CDH24: variants seen among roughly 807,000 people sequenced by gnomAD.
The protein encoded by CDH24 is cadherin 24.
CDH24 carries 61 observed loss-of-function variants against 71.2 expected under a neutral mutation model. The ratio of observed to expected loss-of-function variants is 0.86; its 90% CI spans 0.70 to 1.06. CDH24 has a LOEUF of 1.06. Ranked by LOEUF, CDH24 falls within the 50% of genes least tolerant of loss-of-function variation. CDH24 has a pLI of 0.00. For missense variants in CDH24, 961 were observed against 1,083.7 expected (o/e 0.89, Z 1.59); for synonymous variants, 440 against 470.2 (o/e 0.94, Z 0.83).
chr14:23,048,476 A>G lies in CDH24; in HGVS notation c.1850T>C (p.Leu617Pro), dbSNP rs1419042648. The change falls in exon 12 of 13, where the codon CTG becomes CCG. Residue 617 changes from leucine (L) to proline (P), a missense_variant. Transcript: ENST00000487137. ...IITCVGALLA[L>P]VVLFVALRRQ... ...CCGCAGGGCCACGAAGAGCACCACC[A>G]GGGCTGCGCGAGAGGCGCGCACACA... 1.9e-6 allele frequency: 3 copies of G among 1,605,688 alleles called. No individual in the cohort carries two copies. Among genetic ancestry groups the G allele is most frequent in the Non-Finnish European group, 1.7e-6 (2 of 1,179,134 alleles).
rs201808325 is a variant in CDH24 at position 23,054,741 on chromosome 14, C to A, written c.616+6G>T. 1 of 1,614,138 alleles carries A rather than the reference C, an allele frequency of 6.2e-7. No homozygotes were observed. Among genetic ancestry groups the A allele is most frequent in the East Asian group, 2.2e-5 (1 of 44,884 alleles). ...GCCCCACCGGGCTCCCAGGCTCCAT[C>A]CTCACCAGTCTGGGGGTCCACAGAG... On this transcript the variant is annotated splice_donor_region_variant and intron_variant, in intron 4 of 12. Transcript: ENST00000487137. This position sits in a 1 kb window ranked among gnomAD's most constrained non-coding sequence, Gnocchi z 5.2.
At chr14:23,056,466 C>A (rs978002151) in intron 1 of CDH24, among the ~76,000 whole-genome samples, 2 of 152,054 alleles carry the variant, frequency 1.3e-5, no homozygotes, top group Non-Finnish European at 2.9e-5. Context: ...GGGAGGTGAC[C>A]GGGGAGAGAG....
chr14:23,052,484 G>A lies in CDH24; in HGVS notation c.1352C>T (p.Ala451Val), dbSNP rs2047092317. Reference sequence around the variant, plus strand: ...CCTGGAGTCCTCACCGAGCTCTGTAGCCAGCACAGTGAGGTTGTGCCAGGC... The same window carrying A: ...CCTGGAGTCCTCACCGAGCTCTGTAACCAGCACAGTGAGGTTGTGCCAGGC... The part of the protein sequence containing the change: ...ARAWHNLTVL[A>V]TELDSSAQAS... Residue 451 changes from alanine (A) to valine (V), a missense_variant, in exon 8 of 13, where the codon GCT (alanine) becomes GTT (valine). Transcript: ENST00000487137. 1.2e-6 allele frequency: 2 copies of A among 1,613,852 alleles called. No individual in the cohort carries two copies. Among genetic ancestry groups the A allele is most frequent in the Non-Finnish European group, 1.7e-6 (2 of 1,179,988 alleles).
In CDH24 at chr14:23,055,276, C is replaced by T. The variant is rs1276385033; in HGVS notation, c.279G>A (p.Val93=). 3 of 1,613,944 alleles carry T rather than the reference C, an allele frequency of 1.9e-6. No individual in the cohort carries two copies. The highest frequency in any genetic ancestry group is 4.5e-5 in the East Asian group (2 of 44,876). The part of the protein sequence containing the change: ...LTGEGAGTVF[V]IDEATGNIHV... ...GAATATTGCCTGTGGCCTCATCAAT[C>T]ACAAATACGGTGCCTGCCCCCTCCC... Residue 93 remains valine, a synonymous_variant, in exon 3 of 13, where the codon GTG becomes GTA. Transcript: ENST00000487137. This position sits in a 1 kb window ranked among gnomAD's most constrained non-coding sequence, Gnocchi z 4.1.
At position 23,048,139 on chromosome 14, in the gene CDH24, G is replaced by C; in HGVS notation, c.2187C>G (p.Gly729=). The change falls in exon 12 of 13, where the codon GGC becomes GGG. Residue 729 remains glycine, a synonymous_variant. Coordinates refer to ENST00000487137, the MANE Select transcript of CDH24 (RefSeq NM_144985.4). ...VPPYDSVQVY[G]YEGRGSSCGS... is the part of the protein sequence containing the mutation. ...CGCAAGAGGAGCCGCGGCCCTCGTA[G>C]CCGTACACCTGCACCGAGTCGTACG... 1 of 1,394,214 alleles carries C rather than the reference G, an allele frequency of 7.2e-7. No individual in the cohort carries two copies. Among genetic ancestry groups the C allele is most frequent in the Non-Finnish European group, 9.3e-7 (1 of 1,076,186 alleles). The allele number at this position is 1,394,214 out of a possible 1,614,324, so 86.4% of individuals were successfully genotyped here.
Position 23,053,874 on chromosome 14 carries a change from T to C in CDH24, c.973-125A>G, listed in dbSNP as rs569113181. On this transcript the variant is annotated intron_variant, in intron 6 of 12. Coordinates refer to ENST00000487137, the MANE Select transcript of CDH24 (RefSeq NM_144985.4). Reference sequence around the variant, plus strand: ...TGCTCAGTCCTCATGTGAGGAGAGGTGGCACTGGAGGGACAGTGGCCTTGG... The same window carrying C: ...TGCTCAGTCCTCATGTGAGGAGAGGCGGCACTGGAGGGACAGTGGCCTTGG... The C allele has an allele frequency of 2.9e-6, 3 of 1,040,136 alleles. No individual in the cohort carries two copies. The Admixed American group carries it at 8.2e-5, about 28-fold the overall frequency. 64.4% of individuals were successfully genotyped at this position (1,040,136 alleles called of 1,614,324 possible).
Position 23,052,367 on chromosome 14 carries a change from G to A in CDH24, c.1363+106C>T, listed in dbSNP as rs115272036. The A allele has an allele frequency of 7.9e-4, 967 of 1,221,156 alleles. 5 individuals are homozygous for A. The East Asian group carries it at 0.012, about 15-fold the overall frequency. The allele number at this position is 1,221,156 out of a possible 1,614,324, so 75.6% of individuals were successfully genotyped here. On this transcript the variant is annotated intron_variant, in intron 8 of 12. Transcript: ENST00000487137. ...CCAGGCTAGGACTCAGTGGCCGCAC[G>A]CTGGTGAGGGTGCGATGGCAGTTAG...
Position 23,051,927 on chromosome 14 carries a change from G to A in CDH24, c.1363+546C>T. 2.6e-6 allele frequency: 3 copies of A among 1,162,094 alleles called. No homozygotes were observed. Among genetic ancestry groups the A allele is most frequent in the Non-Finnish European group, 3.7e-6 (3 of 811,680 alleles). The allele number at this position is 1,162,094 out of a possible 1,614,324, so 72.0% of individuals were successfully genotyped here. On this transcript the variant is annotated intron_variant, in intron 8 of 12. Coordinates refer to ENST00000487137, the MANE Select transcript of CDH24 (RefSeq NM_144985.4). The surrounding 1 kb of genome is among the most constrained non-coding windows in gnomAD (Gnocchi z 4.4). ...TGACTGATGGGGGAGACCGCATATG[G>A]AGCTGGCACTCCTCCCCTTCCTTAT...
chr14:23,055,581 G>T lies in CDH24; in HGVS notation c.153C>A (p.Phe51Leu). The change falls in exon 2 of 13, where the codon TTC (phenylalanine) becomes TTA (leucine). Residue 51 changes from phenylalanine to leucine, a missense_variant. Phe to Leu is a conservative substitution (Grantham distance 22, BLOSUM62 0). This residue lies in a region of CDH24 where 671 missense variants were observed against 810.9 expected (regional missense o/e 0.83). Coordinates refer to ENST00000487137, the MANE Select transcript of CDH24 (RefSeq NM_144985.4). This position sits in a 1 kb window ranked among gnomAD's most constrained non-coding sequence, Gnocchi z 4.1. ...GACCAGCATATTCCTCAATGACAAAGAACTGGTTCCAGACCCAGCTCCTTC... is the reference window on the plus strand; with the variant it reads ...GACCAGCATATTCCTCAATGACAAATAACTGGTTCCAGACCCAGCTCCTTC... ...RTRRSWVWNQ[F>L]FVIEEYAGPE... 2 of 1,614,058 alleles carry T rather than the reference G, an allele frequency of 1.2e-6. No homozygotes were observed. The highest frequency in any genetic ancestry group is 8.5e-7 in the Non-Finnish European group (1 of 1,180,000).
In CDH24 at chr14:23,052,058, G is replaced by A. The variant is rs907872388; in HGVS notation, c.1363+415C>T. The A allele has an allele frequency of 7.6e-6, 12 of 1,569,336 alleles. No homozygotes were observed. In the Admixed American group the frequency reaches 1.7e-4, roughly 22 times the overall value. ...ACTCAGCAACCAGAAGAGGTACCCA[G>A]CCCCTTTCTGGCCCCCAGCTCCAGC... On this transcript the variant is annotated intron_variant, in intron 8 of 12. Coordinates refer to ENST00000487137, the MANE Select transcript of CDH24 (RefSeq NM_144985.4).
chr14:23,052,384 G>T, intron 8 of CDH24, 89 bp downstream of exon 8: 1 of 1,406,096 alleles, frequency 7.1e-7, no homozygotes, highest in Non-Finnish European at 1.0e-6. Flanking sequence ...AGGGTGCGAT[G>T]GCAGTTAGCA....
In CDH24 at chr14:23,054,965, G is replaced by C. The variant is rs2047115787; in HGVS notation, c.496+94C>G. On this transcript the variant is annotated intron_variant, in intron 3 of 12. Coordinates refer to ENST00000487137, the MANE Select transcript of CDH24 (RefSeq NM_144985.4). This position sits in a 1 kb window ranked among gnomAD's most constrained non-coding sequence, Gnocchi z 5.2. ...CAGATACGAGGGAGGCTGAATTGAAGGGGGCAGGTTCTGGGGCAGACAACA... is the reference window on the plus strand; with the variant it reads ...CAGATACGAGGGAGGCTGAATTGAACGGGGCAGGTTCTGGGGCAGACAACA... 1 of 1,592,034 alleles carries C rather than the reference G, an allele frequency of 6.3e-7. No homozygotes were observed. Among genetic ancestry groups the C allele is most frequent in the African/African-American group, 1.3e-5 (1 of 74,706 alleles).
chr14:23,053,362 A>C, intron 7 of CDH24, 134 bp downstream of exon 7: 5 of 1,120,802 alleles, frequency 4.5e-6, no homozygotes, highest in Non-Finnish European at 6.1e-6. Context: ...GCAGACCAGC[A>C]AGCCCAGCTG....
At position 23,049,630 on chromosome 14, in the gene CDH24, G is replaced by T; in HGVS notation, c.1594C>A (p.Arg532=). The part of the protein sequence containing the change: ...PDANFTVQDN[R]DGSASLLLPS... The stretch of plus-strand genomic sequence containing the variant: ...ATGGCTGTAGGAGGCCACCTACCTC[G>T]GTTGTCCTGGACAGTAAAGTTGGCA... The change falls in exon 10 of 13, where the codon CGA becomes AGA. Residue 532 remains arginine (R), a synonymous_variant. Coordinates refer to ENST00000487137, the MANE Select transcript of CDH24 (RefSeq NM_144985.4). 1 of 1,537,542 alleles carries T rather than the reference G, an allele frequency of 6.5e-7. No homozygotes were observed. Among genetic ancestry groups the T allele is most frequent in the African/African-American group, 1.4e-5 (1 of 73,010 alleles).
rs1286143323 is a variant in CDH24 at position 23,053,726 on chromosome 14, G to C, written c.996C>G (p.Arg332=). The C allele has an allele frequency of 1.2e-6, 2 of 1,609,122 alleles. No individual in the cohort carries two copies. Among genetic ancestry groups the C allele is most frequent in the East Asian group, 2.2e-5 (1 of 44,794 alleles). ...VRKPLDFESQ[R]SYSFRVEATN... Reference sequence around the variant, plus strand: ...TGGCCTCGACACGGAAGGAGTAGGAGCGCTGGCTCTCAAAGTCTAGGGGCT... The same window carrying C: ...TGGCCTCGACACGGAAGGAGTAGGACCGCTGGCTCTCAAAGTCTAGGGGCT... Residue 332 remains arginine, a synonymous_variant, in exon 7 of 13, where the codon CGC becomes CGG. Coordinates refer to ENST00000487137, the MANE Select transcript of CDH24 (RefSeq NM_144985.4).
intron 8 of CDH24, 135 bp downstream of exon 8, chr14:23,052,320 GGATCCAGGCTAGGACTCA>G (rs768984860): frequency 4.6e-5 from 41 of 892,746 alleles, no homozygotes; most frequent in African/African-American, 1.3e-4. Context: ...GCTAGGACTT[GGATCCAGGCTAGGACTCA>G]GATCCAGGCT....
At position 23,047,917 on chromosome 14, in the gene CDH24, GCTCA is replaced by G. The variant is rs765758055; in HGVS notation, c.*59_*62del. ...CTGCCGCCCGCCTGGACCCCGTGGG[GCTCA>G]CTCAGAGGGCCTGTGCCCGCTGCCC... On this transcript the variant is annotated 3_prime_UTR_variant, in exon 12 of 13. Transcript: ENST00000487137. The G allele has an allele frequency of 8.2e-7, 1 of 1,224,962 alleles. No individual in the cohort carries two copies. The highest frequency in any genetic ancestry group is 3.4e-5 in the East Asian group (1 of 29,570). 75.9% of individuals were successfully genotyped at this position (1,224,962 alleles called of 1,614,324 possible). A position where few individuals can be genotyped will look rare whatever the true frequency, so the allele number is the denominator to read the frequency against.
chr14:23,055,206 GCA>G lies in CDH24; in HGVS notation c.347_348del (p.Val116AlafsTer62). 2 of 1,614,190 alleles carry G rather than the reference GCA, an allele frequency of 1.2e-6. No individual in the cohort carries two copies. The highest frequency in any genetic ancestry group is 1.7e-6 in the Non-Finnish European group (2 of 1,180,026). On this transcript the variant is annotated frameshift_variant, in exon 3 of 13. Transcript: ENST00000487137. LOFTEE classifies it high-confidence loss of function. The surrounding 1 kb of genome is among the most constrained non-coding windows in gnomAD (Gnocchi z 4.1). ...GCTCGGTCCACGGCTTGGGCCAGTA[GCA>G]CATATTGCGCCTTTTCCTCCCGGTC... ...SLDREEKAQY[V>X]LLAQAVDRAS...
rs1321290571 is a variant in CDH24, at chr14:23,047,678, C to G, written c.*302G>C. On this transcript the variant is annotated 3_prime_UTR_variant, in exon 12 of 13. Transcript: ENST00000487137. ...TCAGAACTGCAGAGACAAAACGCCACGGAGGAAGGAGAGGAATCACAGTGA... is the reference window on the plus strand; with the variant it reads ...TCAGAACTGCAGAGACAAAACGCCAGGGAGGAAGGAGAGGAATCACAGTGA... 1 of 270,296 alleles carries G rather than the reference C, an allele frequency of 3.7e-6. No homozygotes were observed. Among genetic ancestry groups the G allele is most frequent in the East Asian group, 6.6e-5 (1 of 15,242 alleles). 16.7% of individuals were successfully genotyped at this position (270,296 alleles called of 1,614,324 possible). A position where few individuals can be genotyped will look rare whatever the true frequency, so the allele number is the denominator to read the frequency against.
Sources: allele counts gnomAD v4.1 joint callset (sites outside exome capture counted in the v4.1 genomes callset), GRCh38; gene constraint gnomAD v4.1.1; regional missense constraint gnomAD v4.1.1; non-coding constraint Gnocchi (gnomAD v3.1); transcripts MANE v1.5; gene names NCBI Gene and HGNC (gene_info 2026-07-23, HGNC 2026-07-21).